The following NXF3 variants were observed in gnomAD, a reference collection of about 807,000 sequenced individuals.
The protein encoded by NXF3 is TAP-like protein 3.
In NXF3, 34 loss-of-function variants were observed where a neutral mutation model predicts 48.4. That is an observed-to-expected ratio of 0.70 (90% CI 0.53 to 0.93). The LOEUF is 0.93. Ranked by LOEUF, NXF3 falls within the 40% of genes least tolerant of loss-of-function variation. The probability of loss-of-function intolerance (pLI) is 0.00; values close to 1 mark genes in which losing one functional copy is unlikely to be tolerated. For synonymous variants in NXF3, 132 were observed against 145.7 expected (o/e 0.91, Z 0.68); for missense variants, 359 against 406.1 (o/e 0.88, Z 1.00).
chrX:103,080,109 C>G lies in NXF3; in HGVS notation c.996+39G>C, dbSNP rs768545248. ...CCCAGGACCACAGATGGTACCCCCC[C>G]TTCCTCATGCACCACCCTGCTGGAT... On this transcript the variant is annotated intron_variant, in intron 11 of 19. Transcript: ENST00000395065. 36 of 1,206,053 alleles carry G rather than the reference C, an allele frequency of 3.0e-5. No individual in the cohort carries two copies. The Admixed American group carries it at 7.5e-4, about 25-fold the overall frequency.
intron 18 of NXF3, 80 bp downstream of exon 18, chrX:103,077,534 G>A (rs1602884996): frequency 3.6e-6 from 4 of 1,126,723 alleles, no homozygotes; most frequent in Non-Finnish European, 4.8e-6. Flanking sequence ...TTACAGGCGT[G>A]AGCCACCGCG....
rs1484818755 is a variant in NXF3, at chrX:103,083,457, T to C, written c.481A>G (p.Ser161Gly). 8.3e-7 allele frequency: 1 copy of C among 1,211,532 alleles called. No individual in the cohort carries two copies. Among genetic ancestry groups the C allele is most frequent in the East Asian group, 3.0e-5 (1 of 33,870 alleles). The change falls in exon 5 of 20, where the codon AGC becomes GGC. Residue 161 changes from serine (S) to glycine (G), a missense_variant. Ser to Gly is a moderately conservative substitution (Grantham distance 56). Transcript: ENST00000395065. ...ACATTCTTCAGTGCATAGGCGATGC[T>C]GGCATTCTCCACAAAGAAGCTGGCA... Reference protein sequence around the residue: ...MHASFFVENASIAYALKNVSG... With the variant: ...MHASFFVENAGIAYALKNVSG...
At chrX:103,087,210 C>T (rs1307654023) in intron 1 of NXF3, 2 of 792,504 alleles carry the variant, frequency 2.5e-6, no homozygotes, top group East Asian at 6.3e-5. Context: ...TGCCTGAAAA[C>T]TATTTAAAAA....
intron 18 of NXF3, among the ~76,000 whole-genome samples, chrX:103,077,243 CTTTTTTT>C (rs34811257): frequency 4.8e-5 from 3 of 62,611 alleles, no homozygotes; most frequent in African/African-American, 2.6e-4. Context: ...GCACTCACTT[CTTTTTTT>C]TTTTTTTTTT....
At chrX:103,085,631 C>T (rs754338370) in intron 1 of NXF3, among the ~76,000 whole-genome samples, 8 of 111,714 alleles carry the variant, frequency 7.2e-5, no homozygotes, top group Admixed American at 1.9e-4. Context: ...CAGCCGGGCG[C>T]GTTGGCTCTT....
In NXF3 at chrX:103,076,150, G is replaced by A. The variant is rs756604148; in HGVS notation, c.*49+91C>T. 7.5e-5 allele frequency: 47 copies of A among 624,373 alleles called. No homozygotes were observed. The African/African-American group carries it at 7.6e-4, about 10-fold the overall frequency. The allele number at this position is 624,373 out of a possible 1,213,427, so 51.5% of individuals were successfully genotyped here. On this transcript the variant is annotated intron_variant, in intron 19 of 19. Coordinates refer to ENST00000395065, the MANE Select transcript of NXF3 (RefSeq NM_022052.2). ...CCCTTGGCCGAGAGGAAGTGCAGGA[G>A]GGAGCTGGGAGATCAGCAGAACCGG...
chrX:103,081,817 G>A (rs1189626562), intron 9 of NXF3: 2 of 125,271 alleles, frequency 1.6e-5, no homozygotes, highest in East Asian at 2.2e-4. Context: ...GACCTTTTTG[G>A]AGCAAGAGAA....
In NXF3 at chrX:103,083,170, A is replaced by T. The variant is rs755451817; in HGVS notation, c.621+23T>A. The T allele has an allele frequency of 5.0e-6, 6 of 1,205,016 alleles. No individual in the cohort carries two copies. In the African/African-American group the frequency reaches 1.1e-4, roughly 21 times the overall value. The stretch of plus-strand genomic sequence containing the variant: ...GCAGTGGGTCTGGCTTTGTGTGAAC[A>T]ACTTGCCATGAGTCTGTGTTACCTT... On this transcript the variant is annotated intron_variant, in intron 6 of 19. Transcript: ENST00000395065.
intron 1 of NXF3, chrX:103,087,801 TA>T: frequency 1.1e-6 from 1 of 928,671 alleles, no homozygotes; most frequent in Admixed American, 2.3e-5. Context: ...TCACCTCACT[TA>T]AAAATCCACC....
chrX:103,080,244 T>C, intron 10 of NXF3, 28 bp from the exon 11 acceptor site: 1 of 1,182,209 alleles, frequency 8.5e-7, no homozygotes, highest in Non-Finnish European at 1.1e-6. Context: ...AAGTCAGTAG[T>C]GCAAAGTAGG....
chrX:103,086,515 T>G (rs745967094), intron 1 of NXF3, among the ~76,000 whole-genome samples: 5 of 111,161 alleles, frequency 4.5e-5, no homozygotes, highest in Non-Finnish European at 7.5e-5. Flanking sequence ...TTAAAACTAT[T>G]AATCATTTCA....
chrX:103,088,126 T>A (rs948165294), intron 1 of NXF3: 3 of 941,554 alleles, frequency 3.2e-6, no homozygotes, highest in Non-Finnish European at 4.5e-6. Flanking sequence ...AATGAACACA[T>A]GTGTTTTCCT....
intron 10 of NXF3, 73 bp downstream of exon 10, chrX:103,080,503 T>C: frequency 9.9e-7 from 1 of 1,012,653 alleles, no homozygotes; most frequent in South Asian, 1.9e-5. Context: ...GGACAATATC[T>C]AAAGGGGTTT....
intron 1 of NXF3, chrX:103,087,859 G>C (rs780956917): frequency 1.0e-6 from 1 of 964,589 alleles, no homozygotes; most frequent in East Asian, 3.1e-5. Context: ...TTGTCAAAAA[G>C]GTTTTAAGAT....
Position 103,085,614 on chromosome X carries a change from G to A in NXF3, c.29-731C>T, listed in dbSNP as rs1373237612. ...GAAAGAGAGAATTTAAAAAGATGTG[G>A]TAAGCGCAGCCGGGCGCGTTGGCTC... is the stretch of plus-strand genomic sequence containing the variant. On this transcript the variant is annotated intron_variant, in intron 1 of 19. Coordinates refer to ENST00000395065, the MANE Select transcript of NXF3 (RefSeq NM_022052.2). Among the ~76,000 whole-genome samples the A allele has an allele frequency of 2.7e-5, 3 of 112,044 alleles. 1 individual carries two copies. Among genetic ancestry groups the A allele is most frequent in the African/African-American group, 9.7e-5 (3 of 30,922 alleles).
At chrX:103,088,766 T>G in intron 1 of NXF3, 1 of 1,110,842 alleles carries the variant, frequency 9.0e-7, no homozygotes, top group South Asian at 2.1e-5. Flanking sequence ...TAAAAAGACA[T>G]GAACAGATTC....
At chrX:103,079,915 C>A (rs1201485794) in intron 12 of NXF3, 45 bp from the exon 13 acceptor site, 2 of 1,182,619 alleles carry the variant, frequency 1.7e-6, no homozygotes, top group South Asian at 3.6e-5. Flanking sequence ...GGCCTGGGTG[C>A]CAAATGAGTC....
At chrX:103,085,846 T>G in intron 1 of NXF3, among the ~76,000 whole-genome samples, 2 of 91,849 alleles carry the variant, frequency 2.2e-5, no homozygotes, top group Non-Finnish European at 4.1e-5. Flanking sequence ...GAGCTTGCAG[T>G]GAGCCAAGAT....
intron 9 of NXF3, 103 bp from the exon 10 acceptor site, chrX:103,080,715 C>CT: frequency 1.5e-5 from 12 of 795,499 alleles, no homozygotes; most frequent in South Asian, 2.3e-5. Context: ...TGCAGTGTGT[C>CT]CACCTACACT....
Sources: gnomAD v4.1 joint callset for allele counts (sites outside exome capture counted in the v4.1 genomes callset) on GRCh38, gnomAD v4.1.1 for gene constraint, MANE v1.5 for transcripts, NCBI Gene and HGNC (gene_info 2026-07-23, HGNC 2026-07-21) for gene names.